Variants in SPIDR observed in about 807,000 individuals in gnomAD.
SPIDR encodes the protein scaffold protein involved in DNA repair.
SPIDR carries 93 observed loss-of-function variants against 104.6 expected under a neutral mutation model. The ratio of observed to expected loss-of-function variants is 0.89; its 90% confidence interval spans 0.75 to 1.06. The LOEUF (loss-of-function observed/expected upper bound fraction) is 1.06, where lower values mean the gene tolerates loss of function less well. Ranked by LOEUF, SPIDR falls within the 50% of genes least tolerant of loss-of-function variation. The probability of loss-of-function intolerance (pLI) is 0.00; values close to 1 mark genes in which losing one functional copy is unlikely to be tolerated. For synonymous variants in SPIDR, 431 were observed against 416.9 expected (o/e 1.03, Z -0.41); for missense variants, 1,154 against 1,111.2 (o/e 1.04, Z -0.55).
At chr8:47,467,539 A>G (rs1041902473) in intron 8 of SPIDR, among the ~76,000 whole-genome samples, 8 of 152,360 alleles carry the variant, frequency 5.3e-5, no homozygotes, top group South Asian at 2.1e-4. Context: ...TATCCCTGGG[A>G]TGCAAGATTG....
At chr8:47,475,281 A>G (rs928499423) in intron 8 of SPIDR, among the ~76,000 whole-genome samples, 2 of 152,186 alleles carry the variant, frequency 1.3e-5, no homozygotes, top group East Asian at 3.9e-4. Context: ...CTCAATTCAC[A>G]TTTCTCCCAG....
intron 8 of SPIDR, among the ~76,000 whole-genome samples, chr8:47,554,161 A>G (rs1193218840): frequency 3.9e-5 from 6 of 152,088 alleles, no homozygotes; most frequent in African/African-American, 1.4e-4. Context: ...GTCTGCCCCT[A>G]CTGGGAGGTG....
At chr8:47,317,805 G>A (rs1479898441) in intron 5 of SPIDR, among the ~76,000 whole-genome samples, 2 of 152,150 alleles carry the variant, frequency 1.3e-5, no homozygotes, top group Non-Finnish European at 2.9e-5. Context: ...CCGCTGTTCT[G>A]CAGCCTCCAC....
chr8:47,474,196 G>A (rs1323853422), intron 8 of SPIDR, among the ~76,000 whole-genome samples: 2 of 152,148 alleles, frequency 1.3e-5, no homozygotes, highest in East Asian at 3.9e-4. Flanking sequence ...GCTAAGTGGA[G>A]GTCCTGTCTT....
chr8:47,361,607 G>C (rs1467409350), intron 5 of SPIDR, among the ~76,000 whole-genome samples: 1 of 152,214 alleles, frequency 6.6e-6, no homozygotes, highest in Non-Finnish European at 1.5e-5. Context: ...ATTCTCAGAC[G>C]CTTCTGCCAC....
At chr8:47,317,945 G>A (rs1036464881) in intron 5 of SPIDR, among the ~76,000 whole-genome samples, 1 of 152,090 alleles carries the variant, frequency 6.6e-6, no homozygotes, top group Non-Finnish European at 1.5e-5. Context: ...CCATCTGTAC[G>A]TCACTATCAT....
chr8:47,509,867 G>C (rs1046209937), intron 8 of SPIDR, among the ~76,000 whole-genome samples: 1 of 151,906 alleles, frequency 6.6e-6, no homozygotes, highest in African/African-American at 2.4e-5. Flanking sequence ...TCACACATAC[G>C]TGACACACAC....
At chr8:47,713,009 A>G (rs1262996311) in intron 15 of SPIDR, 137 bp downstream of exon 15, 13 of 1,449,686 alleles carry the variant, frequency 9.0e-6, no homozygotes, top group Admixed American at 5.5e-5. Flanking sequence ...GACATGGCCC[A>G]TGTACCAGCC....
chr8:47,718,336 G>C (rs1181703280), intron 16 of SPIDR, among the ~76,000 whole-genome samples: 1 of 152,190 alleles, frequency 6.6e-6, no homozygotes, highest in East Asian at 1.9e-4. Flanking sequence ...AACATGCTCT[G>C]ATTGGTTCAT....
At chr8:47,384,646 G>C (rs1270383275) in intron 5 of SPIDR, among the ~76,000 whole-genome samples, 1 of 152,126 alleles carries the variant, frequency 6.6e-6, no homozygotes. Flanking sequence ...TGCGGGAGGC[G>C]GTTCGCTCTG....
chr8:47,509,271 C>T (rs1194156683), intron 8 of SPIDR, among the ~76,000 whole-genome samples: 2 of 152,182 alleles, frequency 1.3e-5, no homozygotes, highest in Non-Finnish European at 2.9e-5. Flanking sequence ...TGTAGAAATC[C>T]GGAAGCCCTT....
chr8:47,359,354 C>T (rs1744446870), intron 5 of SPIDR, among the ~76,000 whole-genome samples: 1 of 151,894 alleles, frequency 6.6e-6, no homozygotes, highest in Non-Finnish European at 1.5e-5. Context: ...TCGAACTTCT[C>T]TTTTTTGGAA....
At chr8:47,282,554 C>T (rs899580459) in intron 2 of SPIDR, among the ~76,000 whole-genome samples, 2 of 152,260 alleles carry the variant, frequency 1.3e-5, no homozygotes, top group Non-Finnish European at 2.9e-5. Context: ...CTTCACCTCT[C>T]TCAGCCTTCA....
chr8:47,367,968 G>C (rs782089340), intron 5 of SPIDR, among the ~76,000 whole-genome samples: 17 of 152,162 alleles, frequency 1.1e-4, no homozygotes, highest in South Asian at 4.1e-4. Flanking sequence ...CTGTACCAAA[G>C]TACCACAGAT....
chr8:47,322,308 A>G (rs2046804310), intron 5 of SPIDR, among the ~76,000 whole-genome samples: 2 of 152,238 alleles, frequency 1.3e-5, no homozygotes, highest in African/African-American at 2.4e-5. Context: ...AAAAGAAGAC[A>G]TTTATGCAGC....
At chr8:47,649,652 A>G (rs1285223540) in intron 10 of SPIDR, among the ~76,000 whole-genome samples, 2 of 152,186 alleles carry the variant, frequency 1.3e-5, no homozygotes, top group Non-Finnish European at 2.9e-5. Context: ...CCTTATTTGT[A>G]GGAAAAACAC....
intron 8 of SPIDR, among the ~76,000 whole-genome samples, chr8:47,503,799 T>C (rs1268767448): frequency 6.6e-6 from 1 of 152,224 alleles, no homozygotes; most frequent in Non-Finnish European, 1.5e-5. Flanking sequence ...TGTTTAGTGC[T>C]TCCTTCAGGA....
chr8:47,571,296 C>T (rs2058496817), intron 8 of SPIDR, among the ~76,000 whole-genome samples: 1 of 152,214 alleles, frequency 6.6e-6, no homozygotes, highest in East Asian at 1.9e-4. Flanking sequence ...GTATTGTAAG[C>T]ATACACATAG....
chr8:47,625,357 A>G (rs1343673180), intron 10 of SPIDR, among the ~76,000 whole-genome samples: 1 of 152,198 alleles, frequency 6.6e-6, no homozygotes, highest in African/African-American at 2.4e-5. Context: ...CACCACTCCT[A>G]TTCAACATAG....
Sources: allele counts gnomAD v4.1 joint callset (sites outside exome capture counted in the v4.1 genomes callset), GRCh38; gene constraint gnomAD v4.1.1; transcripts MANE v1.5; gene names NCBI Gene and HGNC (gene_info 2026-07-23, HGNC 2026-07-21).